Variants in CMC1 observed in about 807,000 individuals in gnomAD.
CMC1 encodes C-X9-C motif containing 1, also known as COX assembly mitochondrial protein homolog.
A neutral mutation model predicts 14.1 loss-of-function variants in CMC1; 14 were observed. The observed-to-expected ratio is 0.99, with a 90% CI of 0.66 to 1.55. The LOEUF (loss-of-function observed/expected upper bound fraction) is 1.55. Ranked by LOEUF, CMC1 falls within the 40% of genes most tolerant of loss-of-function variation. CMC1 has a pLI of 0.00. For synonymous variants in CMC1, 50 were observed against 38.4 expected, an observed-to-expected ratio of 1.30 and a Z score of -1.12; for missense variants, 127 against 123.8, an observed-to-expected ratio of 1.03 and a Z score of -0.12.
chr3:28,255,553 G>A (rs914245217), intron 1 of CMC1, among the ~76,000 whole-genome samples: 6 of 151,910 alleles, frequency 3.9e-5, no homozygotes, highest in Non-Finnish European at 7.4e-5. Flanking sequence ...GCCTGTTTCC[G>A]GTAGCTTCTG....
chr3:28,272,692 C>T (rs931923690), intron 2 of CMC1, among the ~76,000 whole-genome samples: 2 of 150,570 alleles, frequency 1.3e-5, no homozygotes, highest in Non-Finnish European at 3.0e-5. Flanking sequence ...TTTTTTCTTT[C>T]TTTTTTTTTG....
Position 28,263,301 on chromosome 3 carries a change from C to T in CMC1, c.30C>T (p.Leu10=), listed in dbSNP as rs1353749536. 1 of 1,603,596 alleles carries T rather than the reference C, an allele frequency of 6.2e-7. No individual in the cohort carries two copies. Among genetic ancestry groups the T allele is most frequent in the Non-Finnish European group, 8.5e-7 (1 of 1,175,684 alleles). Residue 10 remains leucine, a synonymous_variant, in exon 2 of 4, where the codon CTC becomes CTT. Coordinates refer to ENST00000466830, the MANE Select transcript of CMC1 (RefSeq NM_182523.2). MALDPADQH[L]RHVEKDVLIP... ...TCTTTTTTTTTTCAGACCAGCATCTCAGACATGTCGAAAAAGATGTTTTGA... is the reference window on the plus strand; with the variant it reads ...TCTTTTTTTTTTCAGACCAGCATCTTAGACATGTCGAAAAAGATGTTTTGA...
intron 1 of CMC1, chr3:28,253,786 T>C: frequency 8.1e-7 from 1 of 1,238,902 alleles, no homozygotes; most frequent in Non-Finnish European, 1.1e-6. Context: ...ACTAGTAAAT[T>C]TTTTAAAAAA....
chr3:28,324,596 T>A lies in CMC1; in HGVS notation c.*4967T>A. 1 of 659,708 alleles carries A rather than the reference T, an allele frequency of 1.5e-6. No homozygotes were observed. Among genetic ancestry groups the A allele is most frequent in the Non-Finnish European group, 2.2e-6 (1 of 446,580 alleles). 40.9% of individuals were successfully genotyped at this position (659,708 alleles called of 1,614,324 possible). On this transcript the variant is annotated 3_prime_UTR_variant, in exon 4 of 4. Coordinates refer to ENST00000466830, the MANE Select transcript of CMC1 (RefSeq NM_182523.2). ...AGTGTGATCATTGAGGCACTGTGAC[T>A]AGGAGATAAATGACAGATGATCTGA...
chr3:28,246,797 GA>G (rs1302602113), intron 1 of CMC1, among the ~76,000 whole-genome samples: 1,409 of 139,316 alleles, frequency 0.01, 25 homozygotes, highest in African/African-American at 0.034. Context: ...GGGGTCCATT[GA>G]TTTTTTTTTT....
At chr3:28,292,942 T>C (rs1231954204) in intron 2 of CMC1, 1 of 152,188 alleles carries the variant, frequency 6.6e-6, no homozygotes, top group African/African-American at 2.4e-5. Context: ...TTAACTTAAA[T>C]GTAGGAATTC....
intron 2 of CMC1, among the ~76,000 whole-genome samples, chr3:28,301,857 C>T (rs543261924): frequency 6.6e-6 from 1 of 152,106 alleles, no homozygotes; most frequent in African/African-American, 2.4e-5. Flanking sequence ...CAGCATTAGA[C>T]TACCTTTTTT....
chr3:28,287,456 A>C (rs539024177), intron 2 of CMC1, among the ~76,000 whole-genome samples: 1 of 152,252 alleles, frequency 6.6e-6, no homozygotes, highest in Admixed American at 6.5e-5. Flanking sequence ...CTGTTTTGGT[A>C]AGAGGGAGCA....
chr3:28,269,061 A>G (rs1308278571), intron 2 of CMC1, among the ~76,000 whole-genome samples: 1 of 152,190 alleles, frequency 6.6e-6, no homozygotes. Context: ...CTATTTTATT[A>G]GTTGTTGTTA....
At chr3:28,259,029 TCGGG>T in intron 1 of CMC1, among the ~76,000 whole-genome samples, 1 of 152,312 alleles carries the variant, frequency 6.6e-6, no homozygotes, top group East Asian at 1.9e-4. Context: ...TGACTTGTAA[TCGGG>T]TAGTTGCTGC....
At position 28,260,542 on chromosome 3, in the gene CMC1, C is replaced by T. The variant is rs1699683436; in HGVS notation, c.20-2749C>T. On this transcript the variant is annotated intron_variant, in intron 1 of 3. Transcript: ENST00000466830. ...TATTGATCTTATCCTCTCGAACCAG[C>T]TTTAATTTCATTGTTTTTTTTTTCT... 2.7e-5 allele frequency among the ~76,000 whole-genome samples: 4 copies of T among 150,016 alleles called. No individual in the cohort carries two copies. In the South Asian group the frequency reaches 8.4e-4, roughly 31 times the overall value.
Position 28,323,872 on chromosome 3 carries a change from AAACC to A in CMC1, c.*4247_*4250del, listed in dbSNP as rs2125632294. ...CTAGAGGGTGCTCTTTCATACTAGAAAACCAACTATGTTGGTTTTTGTACTATTG... is the reference window on the plus strand; with the variant it reads ...CTAGAGGGTGCTCTTTCATACTAGAAAACTATGTTGGTTTTTGTACTATTG... On this transcript the variant is annotated 3_prime_UTR_variant, in exon 4 of 4. Transcript: ENST00000466830. 1.5e-6 allele frequency: 1 copy of A among 669,148 alleles called. No individual in the cohort carries two copies. The highest frequency in any genetic ancestry group is 2.4e-6 in the Non-Finnish European group (1 of 416,428). The allele number at this position is 669,148 out of a possible 1,614,324, so 41.5% of individuals were successfully genotyped here.
chr3:28,261,731 G>A (rs1250808652), intron 1 of CMC1, among the ~76,000 whole-genome samples: 1 of 152,134 alleles, frequency 6.6e-6, no homozygotes, highest in African/African-American at 2.4e-5. Flanking sequence ...ATTCCCCAGT[G>A]TACGAAGGGG....
In CMC1 at chr3:28,300,649, A is replaced by ATCCCTTTACC. The variant is rs1701986245; in HGVS notation, c.110-15677_110-15676insACCTCCCTTT. On this transcript the variant is annotated intron_variant, in intron 2 of 3. Coordinates refer to ENST00000466830, the MANE Select transcript of CMC1 (RefSeq NM_182523.2). ...TCCCTCCATCCCTTTCCCTCCCTCC[A>ATCCCTTTACC]TCCCTTTCCCTCCCTTTCCCTCCCT... Among the ~76,000 whole-genome samples, 46 of 38,296 alleles carry ATCCCTTTACC rather than the reference A, an allele frequency of 1.2e-3. 1 individual carries two copies. Among genetic ancestry groups the ATCCCTTTACC allele is most frequent in the Non-Finnish European group, 1.4e-3 (28 of 20,624 alleles). The allele number at this position is 38,296 out of a possible 152,430, so 25.1% of individuals were successfully genotyped here.
intron 2 of CMC1, among the ~76,000 whole-genome samples, chr3:28,314,223 G>A (rs1311097839): frequency 6.6e-6 from 1 of 152,156 alleles, no homozygotes; most frequent in Non-Finnish European, 1.5e-5. Flanking sequence ...GCTATAAATA[G>A]AAAAATTAAC....
At chr3:28,302,632 C>T (rs1260225763) in intron 2 of CMC1, among the ~76,000 whole-genome samples, 1 of 151,984 alleles carries the variant, frequency 6.6e-6, no homozygotes, top group African/African-American at 2.4e-5. Flanking sequence ...GTGTAAAATC[C>T]TTATTTTAAA....
chr3:28,312,244 A>C (rs1702671980), intron 2 of CMC1, among the ~76,000 whole-genome samples: 1 of 152,240 alleles, frequency 6.6e-6, no homozygotes, highest in Admixed American at 6.5e-5. Flanking sequence ...AGGACATTAA[A>C]GTACTGAAAA....
At chr3:28,272,111 A>T (rs1054077788) in intron 2 of CMC1, among the ~76,000 whole-genome samples, 27 of 152,190 alleles carry the variant, frequency 1.8e-4, no homozygotes, top group Non-Finnish European at 1.5e-4. Flanking sequence ...TATCAGCTTA[A>T]GGAGCTTTTG....
At chr3:28,258,501 T>TC (rs34170545) in intron 1 of CMC1, among the ~76,000 whole-genome samples, 14 of 150,472 alleles carry the variant, frequency 9.3e-5, no homozygotes, top group Non-Finnish European at 1.3e-4. Context: ...TTTTTTTTTT[T>TC]CCATGTTAAT....
Sources: allele counts gnomAD v4.1 joint callset (sites outside exome capture counted in the v4.1 genomes callset), GRCh38; gene constraint gnomAD v4.1.1; transcripts MANE v1.5; gene names NCBI Gene and HGNC (gene_info 2026-07-23, HGNC 2026-07-21).